Variants in CGGBP1 observed in about 807,000 individuals in gnomAD.
CGGBP1 encodes CGG triplet repeat binding protein 1.
CGGBP1 carries 4 observed loss-of-function variants against 11.4 expected under a neutral mutation model. That is an observed-to-expected ratio of 0.35 (90% CI 0.17 to 0.80). CGGBP1 has a LOEUF of 0.80. Among genes scored for constraint, CGGBP1 ranks in the 30% least tolerant of loss-of-function variants. CGGBP1 has a pLI of 0.52. For synonymous variants in CGGBP1, 76 were observed against 74.1 expected (o/e 1.03, Z -0.13); for missense variants, 135 against 202.1 (o/e 0.67, Z 2.01).
intron 2 of CGGBP1, among the ~76,000 whole-genome samples, chr3:88,122,265 G>T (rs1428239116): frequency 6.6e-6 from 1 of 152,184 alleles, no homozygotes; most frequent in East Asian, 1.9e-4. Context: ...ATGTGGAAGA[G>T]ACCAGGCTGA....
intron 2 of CGGBP1, among the ~76,000 whole-genome samples, chr3:88,082,836 A>G (rs1043042591): frequency 1.3e-5 from 2 of 152,202 alleles, no homozygotes; most frequent in Non-Finnish European, 2.9e-5. Flanking sequence ...GGCTTAAACA[A>G]CAGAAATTTA....
Position 88,088,795 on chromosome 3 carries a change from T to TGGATGGAG in CGGBP1, c.-228-30573_-228-30572insCTCCATCC, listed in dbSNP as rs1559701761. Among the ~76,000 whole-genome samples, 11 of 151,512 alleles carry TGGATGGAG rather than the reference T, an allele frequency of 7.3e-5. 1 individual carries two copies. The highest frequency in any genetic ancestry group is 2.4e-4 in the African/African-American group (10 of 41,210). On this transcript the variant is annotated intron_variant, in intron 2 of 3. Coordinates refer to the CGGBP1 transcript ENST00000462901. ...ATGGATGGATGGATGGATGGATGGA[T>TGGATGGAG]GGAGTCTGGCTCTGTCGCCTAGGTT...
intron 2 of CGGBP1, among the ~76,000 whole-genome samples, chr3:88,110,253 T>C (rs917391490): frequency 6.6e-6 from 1 of 152,130 alleles, no homozygotes; most frequent in Non-Finnish European, 1.5e-5. Context: ...GTAGTGGAGC[T>C]GAGATTCAAA....
intron 2 of CGGBP1, among the ~76,000 whole-genome samples, chr3:88,122,526 C>T (rs916624000): frequency 6.6e-6 from 1 of 152,056 alleles, no homozygotes; most frequent in Non-Finnish European, 1.5e-5. Context: ...GAAATGTATT[C>T]TGAAAGAAGT....
At position 88,140,855 on chromosome 3, in the gene CGGBP1, T is replaced by A. The variant is rs1707083559; in HGVS notation, c.-229+115A>T. The A allele has an allele frequency of 6.2e-7, 1 of 1,613,502 alleles. No homozygotes were observed. Among genetic ancestry groups the A allele is most frequent in the Non-Finnish European group, 8.5e-7 (1 of 1,179,680 alleles). On this transcript the variant is annotated intron_variant, in intron 2 of 3. Coordinates refer to the CGGBP1 transcript ENST00000462901. ...GTTACCTTGATGAACGGTATCTTAG[T>A]ATGCCAAAACGCAGAAAATTTCTGA...
chr3:88,142,149 G>T (rs1280682511), intron 1 of CGGBP1: 3 of 152,404 alleles, frequency 2.0e-5, no homozygotes, highest in African/African-American at 7.2e-5. Flanking sequence ...TTAAGGAACC[G>T]CTGCTGTTTG....
chr3:88,087,927 C>T (rs200613944), intron 2 of CGGBP1, among the ~76,000 whole-genome samples: 2 of 152,082 alleles, frequency 1.3e-5, no homozygotes, highest in Non-Finnish European at 2.9e-5. Flanking sequence ...TGAGTGCTAA[C>T]GTGATACTCA....
At chr3:88,094,708 A>C (rs981601752) in intron 2 of CGGBP1, among the ~76,000 whole-genome samples, 2 of 152,142 alleles carry the variant, frequency 1.3e-5, no homozygotes, top group African/African-American at 4.8e-5. Flanking sequence ...TGAATGGTGT[A>C]AGTACATTTG....
chr3:88,090,928 A>G (rs1708599390), intron 2 of CGGBP1, among the ~76,000 whole-genome samples: 1 of 152,256 alleles, frequency 6.6e-6, no homozygotes, highest in Admixed American at 6.5e-5. Flanking sequence ...GTTGGGCCTC[A>G]TTCAAAGCCA....
intron 2 of CGGBP1, among the ~76,000 whole-genome samples, chr3:88,118,439 T>G (rs982596817): frequency 2.6e-5 from 4 of 152,150 alleles, no homozygotes; most frequent in Non-Finnish European, 5.9e-5. Flanking sequence ...CACCCTCCTT[T>G]GTGGGGCAAG....
rs765651521 is a variant in CGGBP1, at chr3:88,057,214, ACT to A, written c.-49_-48del. 13 of 152,176 alleles carry A rather than the reference ACT, an allele frequency of 8.5e-5. No homozygotes were observed. The highest frequency in any genetic ancestry group is 2.1e-4 in the South Asian group (1 of 4,832). 9.4% of individuals were successfully genotyped at this position (152,176 alleles called of 1,614,324 possible). ...ACTAGAGAATAGCTGGGTAACATGA[ACT>A]CTCTTTCAAAAGGACTTTAAATTGC... On this transcript the variant is annotated 5_prime_UTR_variant, in exon 3 of 4. Transcript: ENST00000482016.
At chr3:88,065,899 A>G (rs1415992419) in intron 2 of CGGBP1, among the ~76,000 whole-genome samples, 1 of 152,044 alleles carries the variant, frequency 6.6e-6, no homozygotes, top group Non-Finnish European at 1.5e-5. Flanking sequence ...ATGCCCGGCT[A>G]AATTTTTGTA....
chr3:88,147,610 C>T (rs1011401926), intron 1 of CGGBP1, among the ~76,000 whole-genome samples: 1 of 152,186 alleles, frequency 6.6e-6, no homozygotes, highest in African/African-American at 2.4e-5. Context: ...AATTTAAATT[C>T]AAATAAAACA....
At chr3:88,141,948 A>G (rs1200231737) in intron 1 of CGGBP1, 1 of 259,992 alleles carries the variant, frequency 3.8e-6, no homozygotes, top group African/African-American at 2.2e-5. Flanking sequence ...AAACATGTTT[A>G]GGCAACTAGT....
At chr3:88,120,950 T>C (rs1446773713) in intron 2 of CGGBP1, among the ~76,000 whole-genome samples, 1 of 152,082 alleles carries the variant, frequency 6.6e-6, no homozygotes, top group South Asian at 2.1e-4. Flanking sequence ...TAGAAAATTT[T>C]CTTGTCTGAG....
At chr3:88,059,268 A>ACGGCGG (rs565177779), upstream of CGGBP1, 73 of 1,531,556 alleles carry the variant, frequency 4.8e-5, no homozygotes, top group Middle Eastern at 2.2e-4. Flanking sequence ...CTAGGCATCT[A>ACGGCGG]CGGCGGCGGC....
chr3:88,059,482 G>T, upstream of CGGBP1: 2 of 1,506,520 alleles, frequency 1.3e-6, no homozygotes, highest in Non-Finnish European at 8.8e-7. Flanking sequence ...CAGCAGTCGG[G>T]ATTACTGCCG....
chr3:88,129,158 T>C (rs1379291729), intron 2 of CGGBP1: 4 of 599,030 alleles, frequency 6.7e-6, no homozygotes, highest in Non-Finnish European at 1.1e-5. Flanking sequence ...GTGTTTTCTT[T>C]TGGCACCATA....
intron 2 of CGGBP1, among the ~76,000 whole-genome samples, chr3:88,090,816 G>A (rs1708592515): frequency 1.3e-5 from 2 of 152,128 alleles, no homozygotes; most frequent in South Asian, 4.2e-4. Context: ...GGATTGTCTT[G>A]GCCCATACAT....
Sources: gnomAD v4.1 joint callset for allele counts (sites outside exome capture counted in the v4.1 genomes callset) on GRCh38, gnomAD v4.1.1 for gene constraint, MANE v1.5 for transcripts, NCBI Gene and HGNC (gene_info 2026-07-23, HGNC 2026-07-21) for gene names.